PTPRD: variants seen among roughly 807,000 people sequenced by gnomAD.
PTPRD encodes protein tyrosine phosphatase receptor type D.
In PTPRD, 34 loss-of-function variants were observed where a neutral mutation model predicts 214.5. That is an observed-to-expected ratio of 0.16 (90% CI 0.12 to 0.21). The LOEUF (loss-of-function observed/expected upper bound fraction) is 0.21, where lower values mean the gene tolerates loss of function less well. Ranked by LOEUF, PTPRD falls within the 10% of genes least tolerant of loss-of-function variation. The pLI is 1.00. For synonymous variants in PTPRD, 1,128 were observed against 845.7 expected (o/e 1.33, Z -5.79); for missense variants, 2,545 against 2,398.7 (o/e 1.06, Z -1.27).
At chr9:8,637,858 T>C (rs1371329722) in intron 12 of PTPRD, among the ~76,000 whole-genome samples, 1 of 152,138 alleles carries the variant, frequency 6.6e-6, no homozygotes, top group Non-Finnish European at 1.5e-5. Flanking sequence ...ACATGAGAAA[T>C]GCTTATGATG....
Position 8,549,826 on chromosome 9 carries a change from A to C in PTPRD, c.353-21047T>G, listed in dbSNP as rs1381881565. ...GCCAATTTTTTAAAAATTATTACAA[A>C]AGAAAGATACTATTCTTAACTCTTG... is the stretch of plus-strand genomic sequence containing the variant. On this transcript the variant is annotated intron_variant, in intron 14 of 45. Coordinates refer to ENST00000381196, the MANE Select transcript of PTPRD (RefSeq NM_002839.4). 2.6e-5 allele frequency among the ~76,000 whole-genome samples: 4 copies of C among 152,192 alleles called. No individual in the cohort carries two copies. The East Asian group carries it at 7.7e-4, about 29-fold the overall frequency.
chr9:8,435,458 A>G (rs995606034), intron 35 of PTPRD, among the ~76,000 whole-genome samples: 6 of 152,198 alleles, frequency 3.9e-5, no homozygotes, highest in Non-Finnish European at 8.8e-5. Context: ...AAGTAAATCA[A>G]TAGAAACCCC....
At chr9:10,480,522 G>C (rs2099091043) in intron 2 of PTPRD, among the ~76,000 whole-genome samples, 3 of 151,938 alleles carry the variant, frequency 2.0e-5, no homozygotes, top group Non-Finnish European at 4.4e-5. Flanking sequence ...AAAAAAGCAA[G>C]ACATTTTTTA....
intron 9 of PTPRD, among the ~76,000 whole-genome samples, chr9:9,387,658 G>A (rs1420604918): frequency 1.3e-5 from 2 of 152,068 alleles, no homozygotes; most frequent in Non-Finnish European, 2.9e-5. Context: ...ACTTCTGAAA[G>A]TGATAGTACA....
intron 3 of PTPRD, among the ~76,000 whole-genome samples, chr9:10,066,435 A>G (rs1194085717): frequency 6.6e-6 from 1 of 151,856 alleles, no homozygotes; most frequent in Non-Finnish European, 1.5e-5. Context: ...AATTTTATTT[A>G]TAATTTCATT....
chr9:9,684,323 T>G (rs889503315), intron 7 of PTPRD, among the ~76,000 whole-genome samples: 37 of 151,726 alleles, frequency 2.4e-4, no homozygotes, highest in African/African-American at 8.5e-4. Flanking sequence ...TGAGATGTTA[T>G]TCTTTTCTAG....
chr9:10,360,831 G>T (rs1043168639), intron 2 of PTPRD, among the ~76,000 whole-genome samples: 4 of 152,124 alleles, frequency 2.6e-5, no homozygotes, highest in African/African-American at 9.7e-5. Flanking sequence ...GGCCAGGCGC[G>T]GTGGCTCACG....
intron 4 of PTPRD, among the ~76,000 whole-genome samples, chr9:10,012,800 A>G (rs1449722660): frequency 1.3e-5 from 2 of 151,934 alleles, no homozygotes; most frequent in African/African-American, 2.4e-5. Context: ...AACTGCTTGC[A>G]TAGGTATTGA....
intron 4 of PTPRD, among the ~76,000 whole-genome samples, chr9:10,006,193 T>C (rs1270905553): frequency 1.3e-5 from 2 of 151,998 alleles, no homozygotes; most frequent in Admixed American, 1.3e-4. Context: ...AAAATAATCA[T>C]ACAATTTAAT....
rs567355351 is a variant in PTPRD at position 9,140,768 on chromosome 9, C to T, written c.-143+42536G>A. 3.9e-5 allele frequency among the ~76,000 whole-genome samples: 6 copies of T among 152,160 alleles called. 1 individual carries two copies. Among genetic ancestry groups the T allele is most frequent in the East Asian group, 1.9e-4 (1 of 5,154 alleles). On this transcript the variant is annotated intron_variant, in intron 10 of 45. Transcript: ENST00000381196. The stretch of plus-strand genomic sequence containing the variant: ...TAATTTTTTGTGTTTTTAGTAGAGA[C>T]GGGGTTTCACCGTATTAGCCAGGAT...
chr9:10,488,306 G>A (rs1019693678), intron 2 of PTPRD, among the ~76,000 whole-genome samples: 5 of 149,518 alleles, frequency 3.3e-5, no homozygotes, highest in African/African-American at 1.2e-4. Flanking sequence ...GGCGGAGCTT[G>A]CAGTGAGCCG....
intron 12 of PTPRD, among the ~76,000 whole-genome samples, chr9:8,723,958 CTA>C (rs2098530046): frequency 6.6e-6 from 1 of 152,146 alleles, no homozygotes; most frequent in South Asian, 2.1e-4. Flanking sequence ...TGCCACAGTA[CTA>C]TGTTGATTTT....
intron 11 of PTPRD, among the ~76,000 whole-genome samples, chr9:8,738,354 G>C (rs559635700): frequency 2.0e-5 from 3 of 149,772 alleles, no homozygotes; most frequent in Non-Finnish European, 4.4e-5. Context: ...AATGTTGAAG[G>C]ATTTGTACTA....
chr9:8,525,270 C>A, intron 17 of PTPRD: 1 of 632,588 alleles, frequency 1.6e-6, no homozygotes, highest in Non-Finnish European at 2.8e-6. Context: ...ATCTCTTTTC[C>A]CAAGCAAGAC....
chr9:8,631,148 C>G (rs1264713680), intron 14 of PTPRD, among the ~76,000 whole-genome samples: 1 of 151,768 alleles, frequency 6.6e-6, no homozygotes, highest in African/African-American at 2.4e-5. Context: ...TATGTATATT[C>G]AGAAATATGT....
intron 14 of PTPRD, among the ~76,000 whole-genome samples, chr9:8,610,329 C>A (rs1418690929): frequency 1.3e-5 from 2 of 152,054 alleles, no homozygotes; most frequent in African/African-American, 4.8e-5. Flanking sequence ...TAAATGGTGG[C>A]TATTATCAAT....
intron 11 of PTPRD, among the ~76,000 whole-genome samples, chr9:8,787,903 A>AG (rs2096058437): frequency 1.8e-5 from 1 of 55,560 alleles, no homozygotes; most frequent in South Asian, 5.0e-4. Context: ...AGCATTTTGC[A>AG]CCCTATCACC....
At chr9:10,285,592 T>G (rs947936346) in intron 3 of PTPRD, among the ~76,000 whole-genome samples, 59 of 149,664 alleles carry the variant, frequency 3.9e-4, no homozygotes, top group African/African-American at 1.4e-3. Flanking sequence ...TTCATATTAT[T>G]TTGGGGTCTC....
intron 11 of PTPRD, among the ~76,000 whole-genome samples, chr9:8,830,276 G>A (rs1303417918): frequency 1.3e-5 from 2 of 152,036 alleles, no homozygotes; most frequent in African/African-American, 2.4e-5. Context: ...TAAGTGTTTT[G>A]TTTTACCCCT....
Sources: allele counts gnomAD v4.1 joint callset (sites outside exome capture counted in the v4.1 genomes callset), GRCh38; gene constraint gnomAD v4.1.1; transcripts MANE v1.5; gene names NCBI Gene and HGNC (gene_info 2026-07-23, HGNC 2026-07-21).